The following CFAP44 variants were observed in gnomAD, a reference collection of about 807,000 sequenced individuals.
CFAP44 encodes the protein cilia and flagella associated protein 44, also known as cilia- and flagella-associated protein 44.
A neutral mutation model predicts 216.2 loss-of-function variants in CFAP44; 134 were observed. That is an observed-to-expected ratio of 0.62 (90% CI 0.54 to 0.72). The LOEUF is 0.72. CFAP44 is among the 30% of genes least tolerant of loss of function. The probability of loss-of-function intolerance (pLI) is 0.00; values close to 1 mark genes in which losing one functional copy is unlikely to be tolerated. For missense variants in CFAP44, 2,035 were observed against 2,182.1 expected (o/e 0.93, Z 1.34); for synonymous variants, 700 against 727.6 (o/e 0.96, Z 0.61).
chr3:113,309,451 C>T (rs1358842611), intron 28 of CFAP44, among the ~76,000 whole-genome samples: 1 of 151,988 alleles, frequency 6.6e-6, no homozygotes, highest in Non-Finnish European at 1.5e-5. Flanking sequence ...TTATAGTAGC[C>T]CCCCTGAATA....
chr3:113,400,147 A>C, intron 12 of CFAP44, 147 bp from the exon 13 acceptor site: 1 of 523,042 alleles, frequency 1.9e-6, no homozygotes, highest in East Asian at 3.2e-5. Context: ...TTCAGGTACA[A>C]CCTCAAACAG....
chr3:113,370,613 C>G (rs1933119078), intron 18 of CFAP44, among the ~76,000 whole-genome samples: 2 of 152,198 alleles, frequency 1.3e-5, no homozygotes, highest in Non-Finnish European at 2.9e-5. Context: ...GACAAACTCA[C>G]AGCCAATATC....
chr3:113,373,616 G>T, intron 17 of CFAP44, 60 bp from the exon 18 acceptor site: 1 of 1,331,296 alleles, frequency 7.5e-7, no homozygotes, highest in South Asian at 2.2e-5. Context: ...ATAAATGCAT[G>T]AGAATTTTTT....
At chr3:113,398,417 T>C (rs941294033) in intron 13 of CFAP44, among the ~76,000 whole-genome samples, 1 of 152,180 alleles carries the variant, frequency 6.6e-6, no homozygotes, top group African/African-American at 2.4e-5. Context: ...CAAGGGGGTA[T>C]GGAGAAGGGA....
chr3:113,421,718 A>C (rs2107395601), intron 4 of CFAP44, among the ~76,000 whole-genome samples: 1 of 152,312 alleles, frequency 6.6e-6, no homozygotes, highest in Non-Finnish European at 1.5e-5. Flanking sequence ...CATTATCCTA[A>C]GCAAATTAAT....
At chr3:113,370,230 T>A (rs1933105855) in intron 18 of CFAP44, among the ~76,000 whole-genome samples, 1 of 151,570 alleles carries the variant, frequency 6.6e-6, no homozygotes, top group South Asian at 2.1e-4. Context: ...ACTCATTTTA[T>A]GAGGGCAGCA....
chr3:113,327,772 T>C lies in CFAP44; in HGVS notation c.4164A>G (p.Arg1388=). Residue 1388 remains arginine (R), a synonymous_variant, in exon 27 of 35, where the codon AGA becomes AGG. Coordinates refer to ENST00000393845, the MANE Select transcript of CFAP44 (RefSeq NM_001164496.2). ...GAGTATCTAGTTTTAGTTTCTGATG[T>C]CTAAGGAGACGGAGTTCTGCATCGA... ...VTFDAELRLL[R]HQKLKLDTQM... 1 of 1,537,026 alleles carries C rather than the reference T, an allele frequency of 6.5e-7. No homozygotes were observed. The highest frequency in any genetic ancestry group is 1.2e-5 in the South Asian group (1 of 84,044).
rs1934251740 is a variant in CFAP44 at position 113,405,486 on chromosome 3, T to TA, written c.1005+1440dup. ...TTCCCTTCTAATCAACCTGGCATTTTATGGCCAAATTTGTTTATTACTTCT... is the reference window on the plus strand; with the variant it reads ...TTCCCTTCTAATCAACCTGGCATTTTAATGGCCAAATTTGTTTATTACTTCT... On this transcript the variant is annotated intron_variant, in intron 8 of 34. Transcript: ENST00000393845. Among the ~76,000 whole-genome samples, 6 of 152,298 alleles carry TA rather than the reference T, an allele frequency of 3.9e-5. No individual in the cohort carries two copies. In the South Asian group the frequency reaches 1.2e-3, roughly 32 times the overall value.
At chr3:113,300,880 G>A (rs1949927685) in intron 32 of CFAP44, among the ~76,000 whole-genome samples, 1 of 152,050 alleles carries the variant, frequency 6.6e-6, no homozygotes, top group Non-Finnish European at 1.5e-5. Flanking sequence ...GCTCAAAGGG[G>A]ACTCTTAAGT....
In CFAP44 at chr3:113,418,461, C is replaced by T. The variant is rs556985255; in HGVS notation, c.570+1556G>A. Among the ~76,000 whole-genome samples, 8 of 152,240 alleles carry T rather than the reference C, an allele frequency of 5.3e-5. No homozygotes were observed. In the East Asian group the frequency reaches 1.5e-3, roughly 29 times the overall value. ...ACACTCAACATAGAGGTTCACCCTACCTTTTCCAGGTAGGGTGCCCAAACA... is the reference window on the plus strand; with the variant it reads ...ACACTCAACATAGAGGTTCACCCTATCTTTTCCAGGTAGGGTGCCCAAACA... On this transcript the variant is annotated intron_variant, in intron 5 of 34. Transcript: ENST00000393845.
chr3:113,394,786 C>T (rs540038411), intron 15 of CFAP44, among the ~76,000 whole-genome samples: 1 of 152,286 alleles, frequency 6.6e-6, no homozygotes, highest in Admixed American at 6.5e-5. Context: ...TTGTGTTGCG[C>T]CTCATTCAAA....
At chr3:113,319,517 A>G (rs1339811422) in intron 28 of CFAP44, among the ~76,000 whole-genome samples, 1 of 152,208 alleles carries the variant, frequency 6.6e-6, no homozygotes, top group Non-Finnish European at 1.5e-5. Flanking sequence ...TGACAGCATT[A>G]GACAGCTCAT....
At position 113,400,547 on chromosome 3, in the gene CFAP44, T is replaced by C; in HGVS notation, c.1472A>G (p.Asp491Gly). ...TTTTATTAAGAGTTCCTACTTACAG[T>C]CCAAGGCAGTTGTGGCCATGAGATA... ...LTYLMATTAL[D>G]CSVRIYDFAS... is the part of the protein sequence containing the mutation. Residue 491 changes from aspartate (D) to glycine (G), a missense_variant and splice_region_variant, in exon 12 of 35, where the codon GAC becomes GGC. Asp to Gly is a moderately conservative substitution (Grantham distance 94). Coordinates refer to ENST00000393845, the MANE Select transcript of CFAP44 (RefSeq NM_001164496.2). 1 of 1,599,624 alleles carries C rather than the reference T, an allele frequency of 6.3e-7. No individual in the cohort carries two copies. Among genetic ancestry groups the C allele is most frequent in the Non-Finnish European group, 8.5e-7 (1 of 1,173,968 alleles).
Position 113,295,220 on chromosome 3 carries a change from G to T in CFAP44, c.5239-399C>A, listed in dbSNP as rs528069091. Reference sequence around the variant, plus strand: ...ATCCTTAAGGTAGCTGGCTTGAGTGGCCACACATCTGTATAATGGCTTTCT... The same window carrying T: ...ATCCTTAAGGTAGCTGGCTTGAGTGTCCACACATCTGTATAATGGCTTTCT... On this transcript the variant is annotated intron_variant, in intron 33 of 34. Transcript: ENST00000393845. Among the ~76,000 whole-genome samples, 103 of 152,224 alleles carry T rather than the reference G, an allele frequency of 6.8e-4. 2 individuals are homozygous for T. In the South Asian group the frequency reaches 0.013, roughly 19 times the overall value.
chr3:113,291,438 G>T lies in CFAP44; in HGVS notation c.*119C>A. On this transcript the variant is annotated 3_prime_UTR_variant, in exon 35 of 35. Transcript: ENST00000393845. ...AAAGTGACTTAACGTGACTGGATCT[G>T]GTTTTACACTTTCAGGCGAGTTCAG... 2 of 1,196,622 alleles carry T rather than the reference G, an allele frequency of 1.7e-6. No homozygotes were observed. Among genetic ancestry groups the T allele is most frequent in the Non-Finnish European group, 2.3e-6 (2 of 871,584 alleles). The allele number at this position is 1,196,622 out of a possible 1,614,324, so 74.1% of individuals were successfully genotyped here.
chr3:113,394,650 G>A (rs531460832), intron 15 of CFAP44, among the ~76,000 whole-genome samples: 4 of 151,988 alleles, frequency 2.6e-5, no homozygotes, highest in African/African-American at 9.6e-5. Context: ...TTGCTTCCCT[G>A]GGCCACACTG....
intron 14 of CFAP44, 30 bp from the exon 15 acceptor site, chr3:113,395,890 A>G: frequency 6.6e-7 from 1 of 1,518,080 alleles, no homozygotes; most frequent in Non-Finnish European, 9.1e-7. Flanking sequence ...CCGACGAAAT[A>G]TATATTACTA....
intron 18 of CFAP44, among the ~76,000 whole-genome samples, chr3:113,372,205 T>C (rs1036091520): frequency 6.6e-6 from 1 of 152,184 alleles, no homozygotes; most frequent in Non-Finnish European, 1.5e-5. Context: ...GAAATACCAT[T>C]TGACCCAGCC....
chr3:113,372,797 A>T (rs1423506738), intron 18 of CFAP44, among the ~76,000 whole-genome samples: 1 of 152,176 alleles, frequency 6.6e-6, no homozygotes, highest in Non-Finnish European at 1.5e-5. Context: ...GCACCCAGAG[A>T]AAAGATCATG....
Sources: gnomAD v4.1 joint callset for allele counts (sites outside exome capture counted in the v4.1 genomes callset) on GRCh38, gnomAD v4.1.1 for gene constraint, MANE v1.5 for transcripts, NCBI Gene and HGNC (gene_info 2026-07-23, HGNC 2026-07-21) for gene names.